Variants in HRH3 observed in about 807,000 individuals in gnomAD.
HRH3 encodes the protein histamine H3 receptor.
A neutral mutation model predicts 21.6 loss-of-function variants in HRH3; 13 were observed. That is an observed-to-expected ratio of 0.60 (90% CI 0.39 to 0.96). The LOEUF (loss-of-function observed/expected upper bound fraction) is 0.96, where lower values mean the gene tolerates loss of function less well. Among genes scored for constraint, HRH3 ranks in the 40% least tolerant of loss-of-function variants. The probability of loss-of-function intolerance (pLI) is 0.00; values close to 1 mark genes in which losing one functional copy is unlikely to be tolerated. For missense variants in HRH3, 461 were observed against 622.7 expected, an observed-to-expected ratio of 0.74 and a Z score of 2.76; for synonymous variants, 276 against 290.3, an observed-to-expected ratio of 0.95 and a Z score of 0.50.
rs1347855236 is a variant in HRH3 at position 62,218,951 on chromosome 20, G to T, written c.251-294C>A. 3.9e-5 allele frequency among the ~76,000 whole-genome samples: 6 copies of T among 151,992 alleles called. No individual in the cohort carries two copies. The highest frequency in any genetic ancestry group is 8.8e-5 in the Non-Finnish European group (6 of 67,932). ...AAGACCCCCGAGAGCCTGGAGTCGG[G>T]ATTCCCTGGACTTCTGTCCAGCCCT... is the stretch of plus-strand genomic sequence containing the variant. On this transcript the variant is annotated intron_variant, in intron 1 of 2. Coordinates refer to ENST00000340177, the MANE Select transcript of HRH3 (RefSeq NM_007232.3). The surrounding 1 kb of genome is among the most constrained non-coding windows in gnomAD (Gnocchi z 5.6).
rs1340077405 is a variant in HRH3, at chr20:62,216,409, C to T, written c.935G>A (p.Arg312Lys). The T allele has an allele frequency of 1.3e-6, 2 of 1,539,934 alleles. No homozygotes were observed. The change falls in exon 3 of 3, where the codon AGG (arginine) becomes AAG (lysine). Residue 312 changes from arginine (R) to lysine (K), a missense_variant. This residue lies in a region of HRH3 where 163 missense variants were observed against 139.4 expected (regional missense o/e 1.17). Coordinates refer to ENST00000340177, the MANE Select transcript of HRH3 (RefSeq NM_007232.3). Reference protein sequence around the residue: ...SPTSSSGSSSRGTERPRSLKR... With the variant: ...SPTSSSGSSSKGTERPRSLKR... ...GAGTGAGCGCGGCCTCTCAGTGCCCCTCGAGGAGCTGCCGGAGCTGGAGGT... is the reference window on the plus strand; with the variant it reads ...GAGTGAGCGCGGCCTCTCAGTGCCCTTCGAGGAGCTGCCGGAGCTGGAGGT...
chr20:62,216,305 G>A lies in HRH3; in HGVS notation c.1039C>T (p.Arg347Cys), dbSNP rs200593418. 71 of 1,610,740 alleles carry A rather than the reference G, an allele frequency of 4.4e-5. No individual in the cohort carries two copies. The highest frequency in any genetic ancestry group is 5.9e-5 in the Non-Finnish European group (70 of 1,178,794). ...TTCCTGTCCCGAGACAGCCGAAAGCGCTGGGTGAAGCTCTGGGACACCATC... is the reference window on the plus strand; with the variant it reads ...TTCCTGTCCCGAGACAGCCGAAAGCACTGGGTGAAGCTCTGGGACACCATC... ...MKMVSQSFTQ[R>C]FRLSRDRKVA... is the part of the protein sequence containing the mutation. Residue 347 changes from arginine to cysteine, a missense_variant, in exon 3 of 3, where the codon CGC becomes TGC. By Grantham distance (180) the Arg-to-Cys change is radical (BLOSUM62 -3). Around this residue, in one of 6 missense-constraint regions of HRH3, gnomAD observed 102 missense variants for 166.6 expected, o/e 0.61. Transcript: ENST00000340177.
rs757193549 is a variant in HRH3, at chr20:62,219,893, C to A, written c.78G>T (p.Ala26=). ...LAGEAAAAGG[A]RGFSAAWTAV... ...CGGTCCAGGCTGCCGAGAAGCCGCG[C>A]GCCCCGCCCGCCGCCGCCGCCTCGC... Residue 26 remains alanine (A), a synonymous_variant, in exon 1 of 3, where the codon GCG becomes GCT. Transcript: ENST00000340177. This position sits in a 1 kb window ranked among gnomAD's most constrained non-coding sequence, Gnocchi z 8.7. The A allele has an allele frequency of 2.9e-6, 4 of 1,381,140 alleles. No homozygotes were observed. The highest frequency in any genetic ancestry group is 3.7e-6 in the Non-Finnish European group (4 of 1,072,774). The allele number at this position is 1,381,140 out of a possible 1,614,324, so 85.6% of individuals were successfully genotyped here. A position where few individuals can be genotyped will look rare whatever the true frequency, so the allele number is the denominator to read the frequency against.
At chr20:62,216,982 G>T (rs114627814) in intron 2 of HRH3, 56 bp from the exon 3 acceptor site, 2 of 1,469,184 alleles carry the variant, frequency 1.4e-6, no homozygotes, top group Non-Finnish European at 9.0e-7. Flanking sequence ...GGCTGGGTGC[G>T]CCCCCGTAGC....
Position 62,215,499 on chromosome 20 carries a change from G to C in HRH3, c.*507C>G. 1 of 457,216 alleles carries C rather than the reference G, an allele frequency of 2.2e-6. No homozygotes were observed. Among genetic ancestry groups the C allele is most frequent in the Non-Finnish European group, 4.4e-6 (1 of 227,528 alleles). The allele number at this position is 457,216 out of a possible 1,614,324, so 28.3% of individuals were successfully genotyped here. Reference sequence around the variant, plus strand: ...GGGGCAGAGAGAGTTGGTGGGAAGAGGGGTGAAAGGGCCAGGCCTGAGGCT... The same window carrying C: ...GGGGCAGAGAGAGTTGGTGGGAAGACGGGTGAAAGGGCCAGGCCTGAGGCT... On this transcript the variant is annotated 3_prime_UTR_variant, in exon 3 of 3. Transcript: ENST00000340177.
Position 62,219,941 on chromosome 20 carries a change from C to T in HRH3, c.30G>A (p.Leu10=). MERAPPDGP[L]NASGALAGEA... ...CGCCCGCCAGCGCCCCCGAAGCGTT[C>T]AGCGGCCCGTCGGGCGGCGCGCGCT... The change falls in exon 1 of 3, where the codon CTG becomes CTA. Residue 10 remains leucine, a synonymous_variant. Coordinates refer to ENST00000340177, the MANE Select transcript of HRH3 (RefSeq NM_007232.3). This position sits in a 1 kb window ranked among gnomAD's most constrained non-coding sequence, Gnocchi z 8.7. 1 of 1,146,406 alleles carries T rather than the reference C, an allele frequency of 8.7e-7. No homozygotes were observed. The highest frequency in any genetic ancestry group is 4.1e-5 in the South Asian group (1 of 24,408). The allele number at this position is 1,146,406 out of a possible 1,614,324, so 71.0% of individuals were successfully genotyped here.
rs2145887053 is a variant in HRH3 at position 62,216,339 on chromosome 20, C to T, written c.1005G>A (p.Lys335=). 2 of 1,603,208 alleles carry T rather than the reference C, an allele frequency of 1.2e-6. No individual in the cohort carries two copies. Among genetic ancestry groups the T allele is most frequent in the Non-Finnish European group, 1.7e-6 (2 of 1,174,400 alleles). The part of the protein sequence containing the change: ...KPSASSASLE[K]RMKMVSQSFT... ...AGCTCTGGGACACCATCTTCATGCG[C>T]TTCTCCAGCGAGGCCGAGGACGCCG... Residue 335 remains lysine (K), a synonymous_variant, in exon 3 of 3, where the codon AAG becomes AAA. Transcript: ENST00000340177.
Position 62,219,044 on chromosome 20 carries a change from C to G in HRH3, c.251-387G>C, listed in dbSNP as rs2145890035. On this transcript the variant is annotated intron_variant, in intron 1 of 2. Transcript: ENST00000340177. The surrounding 1 kb of genome is among the most constrained non-coding windows in gnomAD (Gnocchi z 8.7). ...TCCCCCGCTGGACTCCAGCCCCTAC[C>G]CTGGCGCTGGACAACCCTCGGTCTC... Among the ~76,000 whole-genome samples, 1 of 152,138 alleles carries G rather than the reference C, an allele frequency of 6.6e-6. No individual in the cohort carries two copies. The highest frequency in any genetic ancestry group is 1.5e-5 in the Non-Finnish European group (1 of 67,968).
In HRH3 at chr20:62,215,762, C is replaced by G; in HGVS notation, c.*244G>C. 1.8e-6 allele frequency: 1 copy of G among 560,324 alleles called. No individual in the cohort carries two copies. The highest frequency in any genetic ancestry group is 3.1e-5 in the Admixed American group (1 of 32,506). The allele number at this position is 560,324 out of a possible 1,614,324, so 34.7% of individuals were successfully genotyped here. A position where few individuals can be genotyped will look rare whatever the true frequency, so the allele number is the denominator to read the frequency against. On this transcript the variant is annotated 3_prime_UTR_variant, in exon 3 of 3. Transcript: ENST00000340177. ...TCTGGGACCTCCAGACTGTCCCTCC[C>G]GGTGGAGCCAGAATGTGGGGGGCAG...
Position 62,215,618 on chromosome 20 carries a change from G to C in HRH3, c.*388C>G. The stretch of plus-strand genomic sequence containing the variant: ...TGTGTGCAGGGGTGTGCAGGTGTGT[G>C]CACGTGCAGAGGCAAACTGCTAGGG... On this transcript the variant is annotated 3_prime_UTR_variant, in exon 3 of 3. Coordinates refer to ENST00000340177, the MANE Select transcript of HRH3 (RefSeq NM_007232.3). 7.8e-6 allele frequency: 3 copies of C among 382,672 alleles called. No individual in the cohort carries two copies. The highest frequency in any genetic ancestry group is 1.5e-5 in the Non-Finnish European group (3 of 196,172). 23.7% of individuals were successfully genotyped at this position (382,672 alleles called of 1,614,324 possible).
Position 62,220,124 on chromosome 20 carries a change from CG to C in HRH3, c.-155del. The C allele has an allele frequency of 5.3e-6, 3 of 567,134 alleles. No individual in the cohort carries two copies. Among genetic ancestry groups the C allele is most frequent in the African/African-American group, 2.0e-5 (1 of 48,886 alleles). The allele number at this position is 567,134 out of a possible 1,614,324, so 35.1% of individuals were successfully genotyped here. ...GCGCCCAGCGCATGGTCCGCGGGGC[CG>C]GGGCCGGGGCCAGAGCAGGCGGTGC... On this transcript the variant is annotated 5_prime_UTR_variant, in exon 1 of 3. Transcript: ENST00000340177.
chr20:62,218,517 C>A lies in HRH3; in HGVS notation c.391G>T (p.Asp131Tyr). The change falls in exon 2 of 3, where the codon GAC becomes TAC. Residue 131 changes from aspartate to tyrosine, a missense_variant. Asp to Tyr is a radical substitution (Grantham distance 160). Coordinates refer to ENST00000340177, the MANE Select transcript of HRH3 (RefSeq NM_007232.3). The surrounding 1 kb of genome is among the most constrained non-coding windows in gnomAD (Gnocchi z 5.6). Reference protein sequence around the residue: ...SAFNIVLISYDRFLSVTRAVS... With the variant: ...SAFNIVLISYYRFLSVTRAVS... ...GCTCGGGTGACCGACAGGAAGCGGT[C>A]GTAGCTGATGAGCACGATGTTGAAG... 1.2e-6 allele frequency: 2 copies of A among 1,612,010 alleles called. No homozygotes were observed. Among genetic ancestry groups the A allele is most frequent in the Non-Finnish European group, 1.7e-6 (2 of 1,179,932 alleles).
Position 62,215,447 on chromosome 20 carries a change from G to A in HRH3, c.*559C>T. The A allele has an allele frequency of 2.2e-6, 1 of 457,258 alleles. No homozygotes were observed. The highest frequency in any genetic ancestry group is 4.4e-6 in the Non-Finnish European group (1 of 227,286). The allele number at this position is 457,258 out of a possible 1,614,324, so 28.3% of individuals were successfully genotyped here. On this transcript the variant is annotated 3_prime_UTR_variant, in exon 3 of 3. Transcript: ENST00000340177. ...ATGGAAAAGCAGAGAACAGCTTCGA[G>A]GTTCCTAGGGCCCCTTGACACTTTT...
Position 62,215,485 on chromosome 20 carries a change from A to T in HRH3, c.*521T>A. 1 of 457,010 alleles carries T rather than the reference A, an allele frequency of 2.2e-6. No individual in the cohort carries two copies. The highest frequency in any genetic ancestry group is 2.0e-5 in the African/African-American group (1 of 50,152). 28.3% of individuals were successfully genotyped at this position (457,010 alleles called of 1,614,324 possible). On this transcript the variant is annotated 3_prime_UTR_variant, in exon 3 of 3. Transcript: ENST00000340177. ...CCTTGACACTTTTGGGGGCAGAGAG[A>T]GTTGGTGGGAAGAGGGGTGAAAGGG... is the stretch of plus-strand genomic sequence containing the variant.
Position 62,219,463 on chromosome 20 carries a change from C to T in HRH3, c.250+258G>A, listed in dbSNP as rs1233429197. Among the ~76,000 whole-genome samples, 1 of 152,246 alleles carries T rather than the reference C, an allele frequency of 6.6e-6. No individual in the cohort carries two copies. The highest frequency in any genetic ancestry group is 1.5e-5 in the Non-Finnish European group (1 of 68,038). On this transcript the variant is annotated intron_variant, in intron 1 of 2. Coordinates refer to ENST00000340177, the MANE Select transcript of HRH3 (RefSeq NM_007232.3). The surrounding 1 kb of genome is among the most constrained non-coding windows in gnomAD (Gnocchi z 8.7). ...GCAGGAGCCAGAGCTGCACCCGCTG[C>T]CTTTGCGCCTTGCGCCTCGCCCAGT...
Position 62,218,655 on chromosome 20 carries a change from C to T in HRH3, c.253G>A (p.Ala85Thr), listed in dbSNP as rs747290921. ...GGTACATACAGTGGGATGCAGAAGG[C>T]GCCTGTGGGGAGTAGGGCCACAGTG... ...NLAISDFLVG[A>T]FCIPLYVPYV... The change falls in exon 2 of 3, where the codon GCC becomes ACC. Residue 85 changes from alanine to threonine, a missense_variant and splice_region_variant. Transcript: ENST00000340177. This position sits in a 1 kb window ranked among gnomAD's most constrained non-coding sequence, Gnocchi z 5.6. 3.7e-6 allele frequency: 6 copies of T among 1,611,236 alleles called. No homozygotes were observed. The highest frequency in any genetic ancestry group is 2.7e-5 in the African/African-American group (2 of 74,878).
In HRH3 at chr20:62,215,282, G is replaced by A. The variant is rs1486083960; in HGVS notation, c.*724C>T. On this transcript the variant is annotated 3_prime_UTR_variant, in exon 3 of 3. Transcript: ENST00000340177. ...GCACAGCTCAGCCGGAAGCCTTAGC[G>A]GAGGGAGGAGGGCGTGGGAGCCCAC... 3.1e-5 allele frequency: 14 copies of A among 454,430 alleles called. No individual in the cohort carries two copies. Among genetic ancestry groups the A allele is most frequent in the South Asian group, 1.5e-4 (10 of 64,528 alleles). 28.1% of individuals were successfully genotyped at this position (454,430 alleles called of 1,614,324 possible).
At position 62,216,917 on chromosome 20, in the gene HRH3, G is replaced by A. The variant is rs775494776; in HGVS notation, c.427C>T (p.Arg143Trp). 40 of 1,601,914 alleles carry A rather than the reference G, an allele frequency of 2.5e-5. No homozygotes were observed. The South Asian group carries it at 2.5e-4, about 10-fold the overall frequency. ...CGCCGCGTGTCACCCTGCTGGGCCC[G>A]GTATGAGACCTGCAGAAGGGCAGGC... ...FLSVTRAVSYRAQQGDTRRAV... is the reference protein window; with the variant it reads ...FLSVTRAVSYWAQQGDTRRAV... Residue 143 changes from arginine (R) to tryptophan (W), a missense_variant, in exon 3 of 3, where the codon CGG (arginine) becomes TGG (tryptophan). Coordinates refer to ENST00000340177, the MANE Select transcript of HRH3 (RefSeq NM_007232.3).
At position 62,219,747 on chromosome 20, in the gene HRH3, T is replaced by C; in HGVS notation, c.224A>G (p.Asn75Ser). 1 of 1,602,824 alleles carries C rather than the reference T, an allele frequency of 6.2e-7. No individual in the cohort carries two copies. The highest frequency in any genetic ancestry group is 8.5e-7 in the Non-Finnish European group (1 of 1,174,592). ...GACGAGGAAGTCGGAGATGGCGAGG[T>C]TGAGCAGGAAGAAGTTGTTCTGGGT... ...LRTQNNFFLL[N>S]LAISDFLVGA... Residue 75 changes from asparagine to serine, a missense_variant, in exon 1 of 3, where the codon AAC becomes AGC. Physicochemically the swap from Asn to Ser is conservative, Grantham distance 46. Around this residue, in one of 6 missense-constraint regions of HRH3, gnomAD observed 102 missense variants for 155.6 expected, o/e 0.66. Transcript: ENST00000340177. This position sits in a 1 kb window ranked among gnomAD's most constrained non-coding sequence, Gnocchi z 8.7.
Sources: allele counts gnomAD v4.1 joint callset (sites outside exome capture counted in the v4.1 genomes callset), GRCh38; gene constraint gnomAD v4.1.1; regional missense constraint gnomAD v4.1.1; non-coding constraint Gnocchi (gnomAD v3.1); transcripts MANE v1.5; gene names NCBI Gene and HGNC (gene_info 2026-07-23, HGNC 2026-07-21).